Variants in KCMF1 observed in about 807,000 individuals in gnomAD.
The protein encoded by KCMF1 is E3 ubiquitin-protein ligase KCMF1.
Under a neutral mutation model 41.1 loss-of-function variants are expected in KCMF1, and 3 were observed. The observed-to-expected ratio is 0.07, with a 90% CI of 0.03 to 0.19. The LOEUF is 0.19. KCMF1 is among the 10% of genes least tolerant of loss of function. The pLI, the probability that KCMF1 is intolerant of heterozygous loss-of-function variation, is 1.00. For synonymous variants in KCMF1, 142 were observed against 164.5 expected, an observed-to-expected ratio of 0.86 and a Z score of 1.04; for missense variants, 286 against 488.9, an observed-to-expected ratio of 0.58 and a Z score of 3.91.
At chr2:84,985,335 A>C (rs1673874565) in intron 1 of KCMF1, among the ~76,000 whole-genome samples, 1 of 152,176 alleles carries the variant, frequency 6.6e-6, no homozygotes, top group South Asian at 2.1e-4. Context: ...TTGACTAACT[A>C]AATGGCAGGG....
At chr2:84,991,724 C>G (rs1674046517) in intron 1 of KCMF1, among the ~76,000 whole-genome samples, 1 of 152,086 alleles carries the variant, frequency 6.6e-6, no homozygotes, top group Non-Finnish European at 1.5e-5. Flanking sequence ...AATAATAGAC[C>G]TTTTGGTCCA....
intron 3 of KCMF1, 102 bp from the exon 4 acceptor site, chr2:85,043,462 G>A (rs1354458455): frequency 1.4e-6 from 1 of 729,890 alleles, no homozygotes; most frequent in Non-Finnish European, 2.5e-6. Context: ...GTTTTCTGTT[G>A]GTTAAAACTT....
intron 1 of KCMF1, among the ~76,000 whole-genome samples, chr2:85,016,816 A>C (rs1674780643): frequency 6.6e-6 from 1 of 151,392 alleles, no homozygotes. Flanking sequence ...CAGTCTCCCG[A>C]GTAACTGGGA....
At chr2:85,030,665 C>T (rs1338201398) in intron 2 of KCMF1, among the ~76,000 whole-genome samples, 3 of 152,136 alleles carry the variant, frequency 2.0e-5, no homozygotes, top group African/African-American at 7.2e-5. Flanking sequence ...TATTTCTAGA[C>T]TCTCAGTCTA....
At chr2:84,980,920 T>C (rs1673725837) in intron 1 of KCMF1, among the ~76,000 whole-genome samples, 1 of 151,606 alleles carries the variant, frequency 6.6e-6, no homozygotes, top group African/African-American at 2.4e-5. Flanking sequence ...GGATTATAGG[T>C]GTGAAGCACC....
intron 1 of KCMF1, among the ~76,000 whole-genome samples, chr2:84,998,569 T>G (rs963776039): frequency 3.1e-5 from 4 of 127,218 alleles, no homozygotes; most frequent in African/African-American, 5.6e-5. Flanking sequence ...AGCCAACGCC[T>G]TATTTATTTA....
rs574577496 is a variant in KCMF1 at position 84,984,426 on chromosome 2, C to G, written c.16+12959C>G. On this transcript the variant is annotated intron_variant, in intron 1 of 6. Coordinates refer to ENST00000409785, the MANE Select transcript of KCMF1 (RefSeq NM_020122.5). ...GTGGATTTCTGCTTCAGTTTCTGTC[C>G]TAAGAACTTAGATTTTTCATTTCTT... Among the ~76,000 whole-genome samples the G allele has an allele frequency of 3.3e-5, 5 of 152,196 alleles. No individual in the cohort carries two copies. In the South Asian group the frequency reaches 1.0e-3, roughly 32 times the overall value.
At chr2:84,974,670 T>TAA in intron 1 of KCMF1, among the ~76,000 whole-genome samples, 1 of 35,864 alleles carries the variant, frequency 2.8e-5, no homozygotes, top group East Asian at 9.0e-4. Flanking sequence ...TATATATATA[T>TAA]ATATATATAT....
intron 2 of KCMF1, among the ~76,000 whole-genome samples, chr2:85,029,431 G>A (rs775019883): frequency 1.3e-4 from 19 of 151,568 alleles, no homozygotes; most frequent in Admixed American, 2.0e-4. Flanking sequence ...ATCCACCCCC[G>A]AAAAATACAA....
rs556837710 is a variant in KCMF1 at position 85,045,525 on chromosome 2, C to A, written c.427-579C>A. 2.6e-5 allele frequency among the ~76,000 whole-genome samples: 4 copies of A among 152,298 alleles called. No homozygotes were observed. The East Asian group carries it at 5.8e-4, about 22-fold the overall frequency. The stretch of plus-strand genomic sequence containing the variant: ...CTCTTCTATATGATCTGGCCTCCCC[C>A]ACCTCTCATTTGCCTTTGTGGAAAC... On this transcript the variant is annotated intron_variant, in intron 4 of 6. Coordinates refer to ENST00000409785, the MANE Select transcript of KCMF1 (RefSeq NM_020122.5).
chr2:85,037,336 T>C (rs1201892445), intron 3 of KCMF1, among the ~76,000 whole-genome samples: 1 of 152,128 alleles, frequency 6.6e-6, no homozygotes, highest in Non-Finnish European at 1.5e-5. Flanking sequence ...ATCTTTAATA[T>C]AAAAGTACAG....
At chr2:85,002,616 T>G (rs1356806028) in intron 1 of KCMF1, among the ~76,000 whole-genome samples, 1 of 109,536 alleles carries the variant, frequency 9.1e-6, no homozygotes, top group African/African-American at 5.2e-5. Flanking sequence ...TTAACTGTGT[T>G]TTTTTTTTTT....
intron 1 of KCMF1, among the ~76,000 whole-genome samples, chr2:85,012,270 T>G (rs1674671725): frequency 6.6e-6 from 1 of 152,220 alleles, no homozygotes; most frequent in Non-Finnish European, 1.5e-5. Context: ...TTGTTGAATT[T>G]TCTGGATTGG....
chr2:84,974,862 C>T (rs1329710742), intron 1 of KCMF1, among the ~76,000 whole-genome samples: 2 of 150,958 alleles, frequency 1.3e-5, no homozygotes, highest in Admixed American at 6.6e-5. Flanking sequence ...CCCACCACTG[C>T]GCCCGGCTAA....
chr2:84,973,825 CTTTTTTTTTTT>C (rs1238178193), intron 1 of KCMF1, among the ~76,000 whole-genome samples: 2 of 110,278 alleles, frequency 1.8e-5, no homozygotes, highest in Non-Finnish European at 3.8e-5. Flanking sequence ...TTATTTCTTT[CTTTTTTTTTTT>C]TTTTTTTTTT....
At chr2:85,017,220 GT>G (rs1674795124) in intron 1 of KCMF1, among the ~76,000 whole-genome samples, 2 of 151,208 alleles carry the variant, frequency 1.3e-5, no homozygotes, top group African/African-American at 4.9e-5. Flanking sequence ...TAGAGACGGG[GT>G]TTCACCTTGT....
chr2:85,008,291 T>TATATATAATATATAATATATATC (rs1278421092), intron 1 of KCMF1, among the ~76,000 whole-genome samples: 1 of 14,622 alleles, frequency 6.8e-5, no homozygotes, highest in East Asian at 4.6e-3. Flanking sequence ...TGATATATAA[T>TATATATAATATATAATATATATC]ATATATAATA....
intron 1 of KCMF1, among the ~76,000 whole-genome samples, chr2:84,994,728 C>T (rs948111755): frequency 6.8e-6 from 1 of 147,486 alleles, no homozygotes; most frequent in Non-Finnish European, 1.5e-5. Context: ...ATATTTAATA[C>T]TCAGTTCATG....
rs1477312008 is a variant in KCMF1 at position 85,057,066 on chromosome 2, A to C, written c.*3657A>C. ...GTGGCAGGCACCTGTAATCCCAGCTACTCGGGAGGCTGAGGCAGGAGAATC... is the reference window on the plus strand; with the variant it reads ...GTGGCAGGCACCTGTAATCCCAGCTCCTCGGGAGGCTGAGGCAGGAGAATC... On this transcript the variant is annotated 3_prime_UTR_variant, in exon 7 of 7. Coordinates refer to ENST00000409785, the MANE Select transcript of KCMF1 (RefSeq NM_020122.5). 1 of 151,930 alleles carries C rather than the reference A, an allele frequency of 6.6e-6. No individual in the cohort carries two copies. The highest frequency in any genetic ancestry group is 1.5e-5 in the Non-Finnish European group (1 of 68,082). The allele number at this position is 151,930 out of a possible 1,614,324, so 9.4% of individuals were successfully genotyped here. A position where few individuals can be genotyped will look rare whatever the true frequency, so the allele number is the denominator to read the frequency against.
Sources: gnomAD v4.1 joint callset for allele counts (sites outside exome capture counted in the v4.1 genomes callset) on GRCh38, gnomAD v4.1.1 for gene constraint, MANE v1.5 for transcripts, NCBI Gene and HGNC (gene_info 2026-07-23, HGNC 2026-07-21) for gene names.